KIF21B: variants seen among roughly 807,000 people sequenced by gnomAD.
KIF21B encodes kinesin family member 21B, also known as kinesin-like protein KIF21B.
In KIF21B, 85 loss-of-function variants were observed where a neutral mutation model predicts 192.9. The ratio of observed to expected loss-of-function variants is 0.44; its 90% CI spans 0.37 to 0.53. The LOEUF is 0.53. Ranked by LOEUF, KIF21B falls within the 20% of genes least tolerant of loss-of-function variation. KIF21B has a pLI of 0.00. For missense variants in KIF21B, 1,716 were observed against 2,194.8 expected (o/e 0.78, Z 4.36); for synonymous variants, 832 against 884.6 (o/e 0.94, Z 1.05).
In KIF21B at chr1:200,998,314, T is replaced by A. The variant is rs1320761112; in HGVS notation, c.2077+70A>T. 19 of 1,469,594 alleles carry A rather than the reference T, an allele frequency of 1.3e-5. No individual in the cohort carries two copies. The highest frequency in any genetic ancestry group is 1.7e-5 in the Non-Finnish European group (18 of 1,077,586). 91.0% of individuals were successfully genotyped at this position (1,469,594 alleles called of 1,614,324 possible). On this transcript the variant is annotated intron_variant, in intron 14 of 34. Transcript: ENST00000461742. This position sits in a 1 kb window ranked among gnomAD's most constrained non-coding sequence, Gnocchi z 4.3. ...GGATAACCCCAACACACCAGCTGCTTTTGACAGAGGAGGGGCTCAGGGAAA... is the reference window on the plus strand; with the variant it reads ...GGATAACCCCAACACACCAGCTGCTATTGACAGAGGAGGGGCTCAGGGAAA...
At chr1:201,006,811 C>T (rs770318731) in intron 3 of KIF21B, among the ~76,000 whole-genome samples, 1 of 151,450 alleles carries the variant, frequency 6.6e-6, no homozygotes, top group Non-Finnish European at 1.5e-5. Context: ...CACAGAGACA[C>T]CCACATAAAG....
intron 3 of KIF21B, among the ~76,000 whole-genome samples, chr1:201,008,307 G>T (rs1658030805): frequency 6.6e-6 from 1 of 152,184 alleles, no homozygotes; most frequent in African/African-American, 2.4e-5. Flanking sequence ...GGTCAGAGAA[G>T]ACTCAGGGGG....
chr1:200,991,172 G>A, intron 17 of KIF21B, 23 bp from the exon 18 acceptor site: 11 of 1,599,604 alleles, frequency 6.9e-6, no homozygotes, highest in Non-Finnish European at 9.4e-6. Flanking sequence ...GGAGAAAAGA[G>A]GGAGCCGGTG....
chr1:200,983,022 G>C (rs1435273844), intron 28 of KIF21B, 34 bp downstream of exon 28: 21 of 1,530,458 alleles, frequency 1.4e-5, no homozygotes, highest in Non-Finnish European at 1.8e-5. Flanking sequence ...GAGTGAGAGT[G>C]GGGAACCAAA....
chr1:200,973,776 G>C (rs771578737), intron 34 of KIF21B, 198 bp from the exon 35 acceptor site: 22 of 1,442,634 alleles, frequency 1.5e-5, no homozygotes, highest in Non-Finnish European at 2.0e-5. Flanking sequence ...TGCACTCAGA[G>C]GCCCCCAGGG....
Position 200,992,304 on chromosome 1 carries a change from T to C in KIF21B, c.2363A>G (p.Lys788Arg). The C allele has an allele frequency of 6.2e-7, 1 of 1,612,628 alleles. No individual in the cohort carries two copies. Among genetic ancestry groups the C allele is most frequent in the Non-Finnish European group, 8.5e-7 (1 of 1,180,028 alleles). Residue 788 changes from lysine to arginine, a missense_variant, in exon 16 of 35, where the codon AAG (lysine) becomes AGG (arginine). Transcript: ENST00000461742. ...CACCTCCTGTCGCCGCTGCTCCTTC[T>C]TGAGCTGTGCGATCTCCCGGTTCCT... ...TKRNREIAQL[K>R]KEQRRQEFQI...
rs771299876 is a variant in KIF21B at position 201,004,545 on chromosome 1, C to T, written c.901-90G>A. 3.8e-5 allele frequency: 47 copies of T among 1,227,664 alleles called. No homozygotes were observed. The Admixed American group carries it at 5.4e-4, about 14-fold the overall frequency. 76.0% of individuals were successfully genotyped at this position (1,227,664 alleles called of 1,614,324 possible). On this transcript the variant is annotated intron_variant, in intron 6 of 34. Coordinates refer to ENST00000461742, the MANE Select transcript of KIF21B (RefSeq NM_001252102.2). Reference sequence around the variant, plus strand: ...AAATCCCCAACCCATCTGTACCTGCCTCTTTGGCCCCAGCAGCCCTCTTGC... The same window carrying T: ...AAATCCCCAACCCATCTGTACCTGCTTCTTTGGCCCCAGCAGCCCTCTTGC...
rs1325385897 is a variant in KIF21B at position 201,005,203 on chromosome 1, A to G, written c.732+105T>C. On this transcript the variant is annotated intron_variant, in intron 5 of 34. Transcript: ENST00000461742. Reference sequence around the variant, plus strand: ...TAAAAATCAACAAATGGCAGAGGCCAGCCTCAATCTGGTTTGCTATTTCTG... The same window carrying G: ...TAAAAATCAACAAATGGCAGAGGCCGGCCTCAATCTGGTTTGCTATTTCTG... 6.3e-6 allele frequency: 9 copies of G among 1,430,374 alleles called. No homozygotes were observed. The African/African-American group carries it at 1.3e-4, about 20-fold the overall frequency. The allele number at this position is 1,430,374 out of a possible 1,614,324, so 88.6% of individuals were successfully genotyped here.
chr1:201,013,258 G>GCCACTGCTTCCTT (rs1658333813), intron 1 of KIF21B, among the ~76,000 whole-genome samples: 2 of 152,160 alleles, frequency 1.3e-5, no homozygotes, highest in Non-Finnish European at 2.9e-5. Context: ...TGGTTTACGA[G>GCCACTGCTTCCTT]CCACTGCTTC....
At chr1:200,981,195 G>C in intron 28 of KIF21B, 99 bp from the exon 29 acceptor site, 1 of 1,315,230 alleles carries the variant, frequency 7.6e-7, no homozygotes, top group South Asian at 1.5e-5. Context: ...GGGCAGGGAG[G>C]GGATGAGGAC....
intron 30 of KIF21B, 130 bp downstream of exon 30, chr1:200,979,405 G>T: frequency 1.6e-6 from 1 of 606,494 alleles, no homozygotes; most frequent in Non-Finnish European, 2.6e-6. Context: ...CAAGTTCATA[G>T]GCTGGTAATG....
rs1429874181 is a variant in KIF21B at position 200,975,285 on chromosome 1, T to C, written c.4614+214A>G. On this transcript the variant is annotated intron_variant, in intron 33 of 34. Coordinates refer to ENST00000461742, the MANE Select transcript of KIF21B (RefSeq NM_001252102.2). This position sits in a 1 kb window ranked among gnomAD's most constrained non-coding sequence, Gnocchi z 4.3. ...AAGGCTTTGCTGAGAGCAGGTTGCC[T>C]AAGAGGGAGATGTGGCATCAGGAGA... is the stretch of plus-strand genomic sequence containing the variant. Among the ~76,000 whole-genome samples the C allele has an allele frequency of 6.6e-6, 1 of 151,990 alleles. No individual in the cohort carries two copies. The highest frequency in any genetic ancestry group is 6.6e-5 in the Admixed American group (1 of 15,256).
chr1:201,023,261 G>T lies in KIF21B; in HGVS notation c.41+82C>A. 1 of 1,279,706 alleles carries T rather than the reference G, an allele frequency of 7.8e-7. No individual in the cohort carries two copies. The highest frequency in any genetic ancestry group is 1.1e-6 in the Non-Finnish European group (1 of 946,076). The allele number at this position is 1,279,706 out of a possible 1,614,324, so 79.3% of individuals were successfully genotyped here. A position where few individuals can be genotyped will look rare whatever the true frequency, so the allele number is the denominator to read the frequency against. On this transcript the variant is annotated intron_variant, in intron 1 of 34. Coordinates refer to ENST00000461742, the MANE Select transcript of KIF21B (RefSeq NM_001252102.2). This position sits in a 1 kb window ranked among gnomAD's most constrained non-coding sequence, Gnocchi z 5.9. The stretch of plus-strand genomic sequence containing the variant: ...GAGTGCAGGCTCCAGCCCAAGCGGT[G>T]CTCGCGCCCCCCGCCCAAAGCCCAC...
At chr1:200,997,251 C>T (rs1473368062) in intron 14 of KIF21B, among the ~76,000 whole-genome samples, 1 of 152,188 alleles carries the variant, frequency 6.6e-6, no homozygotes, top group Non-Finnish European at 1.5e-5. Flanking sequence ...ATTTCTTCTC[C>T]GACCTGTCCC....
At chr1:201,001,886 A>G (rs2102442466) in intron 9 of KIF21B, 1 of 481,512 alleles carries the variant, frequency 2.1e-6, no homozygotes, top group South Asian at 2.6e-5. Flanking sequence ...TCTGAGAAGT[A>G]GAGAGGGCTT....
At position 200,998,678 on chromosome 1, in the gene KIF21B, T is replaced by C; in HGVS notation, c.1886-103A>G. Reference sequence around the variant, plus strand: ...GCTGGGACCCTCCTTTGGTCAGCCATGACCAATCAGTGACCAGAGACTGGG... The same window carrying C: ...GCTGGGACCCTCCTTTGGTCAGCCACGACCAATCAGTGACCAGAGACTGGG... On this transcript the variant is annotated intron_variant, in intron 13 of 34. Coordinates refer to ENST00000461742, the MANE Select transcript of KIF21B (RefSeq NM_001252102.2). This position sits in a 1 kb window ranked among gnomAD's most constrained non-coding sequence, Gnocchi z 4.3. The C allele has an allele frequency of 3.9e-6, 4 of 1,029,548 alleles. No homozygotes were observed. The highest frequency in any genetic ancestry group is 5.8e-6 in the Non-Finnish European group (4 of 694,766). 63.8% of individuals were successfully genotyped at this position (1,029,548 alleles called of 1,614,324 possible).
chr1:201,008,726 T>G (rs777450334), intron 3 of KIF21B, 43 bp downstream of exon 3: 2 of 1,530,974 alleles, frequency 1.3e-6, no homozygotes, highest in Non-Finnish European at 1.8e-6. Flanking sequence ...GGTCCTGTTG[T>G]CCACCAAGCC....
At position 200,990,371 on chromosome 1, in the gene KIF21B, G is replaced by A; in HGVS notation, c.2836-39C>T. 6.4e-7 allele frequency: 1 copy of A among 1,559,808 alleles called. No individual in the cohort carries two copies. The highest frequency in any genetic ancestry group is 8.7e-7 in the Non-Finnish European group (1 of 1,152,186). On this transcript the variant is annotated intron_variant, in intron 19 of 34. Transcript: ENST00000461742. This position sits in a 1 kb window ranked among gnomAD's most constrained non-coding sequence, Gnocchi z 5.4. ...GGAGGGTGGTGATTGTGATGAAGGA[G>A]AGGCCTCAGGTAGCTGCCAAGCCCT...
intron 8 of KIF21B, 114 bp downstream of exon 8, chr1:201,003,472 A>C: frequency 1.0e-6 from 1 of 999,070 alleles, no homozygotes; most frequent in Non-Finnish European, 1.5e-6. Flanking sequence ...GGATGATGGT[A>C]ATAGGGAGGT....
Sources: allele counts gnomAD v4.1 joint callset (sites outside exome capture counted in the v4.1 genomes callset), GRCh38; gene constraint gnomAD v4.1.1; non-coding constraint Gnocchi (gnomAD v3.1); transcripts MANE v1.5; gene names NCBI Gene and HGNC (gene_info 2026-07-23, HGNC 2026-07-21).